The following FBN2 variants were observed in gnomAD, a reference collection of about 807,000 sequenced individuals.
FBN2 encodes fibrillin-2.
A neutral mutation model predicts 355.6 loss-of-function variants in FBN2; 105 were observed. The observed-to-expected ratio is 0.30, with a 90% CI of 0.25 to 0.35. The LOEUF is 0.35. Ranked by LOEUF, FBN2 falls within the 10% of genes least tolerant of loss-of-function variation. FBN2 has a pLI of 1.00. For missense variants in FBN2, 3,280 were observed against 3,758.7 expected, an observed-to-expected ratio of 0.87 and a Z score of 3.33; for synonymous variants, 1,350 against 1,301.2, an observed-to-expected ratio of 1.04 and a Z score of -0.81.
chr5:128,484,611 ATACC>A (rs1449942879), intron 5 of FBN2, among the ~76,000 whole-genome samples: 1 of 152,226 alleles, frequency 6.6e-6, no homozygotes, highest in Admixed American at 6.5e-5. Flanking sequence ...GTTTCATTGG[ATACC>A]TACCTGACAG....
Position 128,278,054 on chromosome 5 carries a change from G to A in FBN2, c.7346-49C>T, listed in dbSNP as rs1450545234. On this transcript the variant is annotated intron_variant, in intron 57 of 64. Coordinates refer to ENST00000262464, the MANE Select transcript of FBN2 (RefSeq NM_001999.4). ...AATCAGGAGTTAACATATATGCAAGGGTAAAACTGGTTAGAATCAAAGAGA... is the reference window on the plus strand; with the variant it reads ...AATCAGGAGTTAACATATATGCAAGAGTAAAACTGGTTAGAATCAAAGAGA... 4.4e-6 allele frequency: 7 copies of A among 1,593,872 alleles called. No homozygotes were observed. The East Asian group carries it at 1.3e-4, about 31-fold the overall frequency.
intron 5 of FBN2, among the ~76,000 whole-genome samples, chr5:128,491,366 A>G (rs1394156791): frequency 6.6e-6 from 1 of 152,230 alleles, no homozygotes; most frequent in Non-Finnish European, 1.5e-5. Context: ...CCAGGCAGTG[A>G]TAGACCTTGT....
At chr5:128,316,356 A>C (rs1393498584) in intron 36 of FBN2, among the ~76,000 whole-genome samples, 3 of 152,230 alleles carry the variant, frequency 2.0e-5, no homozygotes, top group Non-Finnish European at 4.4e-5. Flanking sequence ...TTCAAGACAA[A>C]GGAAAAACAA....
intron 7 of FBN2, among the ~76,000 whole-genome samples, chr5:128,432,488 C>T (rs538951199): frequency 1.3e-5 from 2 of 152,200 alleles, no homozygotes; most frequent in African/African-American, 2.4e-5. Context: ...CTGTCTATGG[C>T]GGATTTTGCA....
At chr5:128,302,012 A>T (rs1347475874) in intron 46 of FBN2, among the ~76,000 whole-genome samples, 1 of 152,220 alleles carries the variant, frequency 6.6e-6, no homozygotes, top group East Asian at 1.9e-4. Context: ...AAAGACATTA[A>T]GTATTAAGTT....
At chr5:128,419,258 T>C (rs1375030889) in intron 7 of FBN2, among the ~76,000 whole-genome samples, 1 of 152,216 alleles carries the variant, frequency 6.6e-6, no homozygotes, top group African/African-American at 2.4e-5. Context: ...CATCTACAAA[T>C]AGAGATAGTT....
At chr5:128,324,506 A>G (rs1581216524) in intron 34 of FBN2, among the ~76,000 whole-genome samples, 1 of 152,144 alleles carries the variant, frequency 6.6e-6, no homozygotes, top group Admixed American at 6.5e-5. Context: ...CATTGGTTTC[A>G]AAGAACTTCT....
intron 6 of FBN2, among the ~76,000 whole-genome samples, chr5:128,464,034 A>G (rs1360364490): frequency 1.3e-5 from 2 of 152,234 alleles, no homozygotes; most frequent in Non-Finnish European, 2.9e-5. Context: ...TTGCTAGAAA[A>G]AGGTAAGAAT....
chr5:128,536,509 T>G, intron 1 of FBN2, 25 bp from the exon 2 acceptor site: 2 of 1,578,780 alleles, frequency 1.3e-6, no homozygotes, highest in Non-Finnish European at 1.7e-6. Context: ...CGCGGTCACG[T>G]AACAGATAGG....
At chr5:128,494,872 C>CA (rs1269806569) in intron 5 of FBN2, among the ~76,000 whole-genome samples, 20 of 151,972 alleles carry the variant, frequency 1.3e-4, no homozygotes, top group African/African-American at 3.9e-4. Context: ...GAGTTTTCAA[C>CA]AAAAAAACTA....
chr5:128,305,170 TTAA>T (rs1749834130), intron 44 of FBN2, 88 bp from the exon 45 acceptor site: 1 of 1,100,922 alleles, frequency 9.1e-7, no homozygotes, highest in Non-Finnish European at 1.4e-6. Context: ...TAATCTGCTA[TTAA>T]TTATTATAGG....
At chr5:128,408,826 A>T (rs1328357414) in intron 7 of FBN2, 27 bp from the exon 8 acceptor site, 1 of 1,613,444 alleles carries the variant, frequency 6.2e-7, no homozygotes, top group South Asian at 1.1e-5. Context: ...GGAGAAGATG[A>T]TTGAGAAAGG....
In FBN2 at chr5:128,368,657, T is replaced by C. The variant is rs191219540; in HGVS notation, c.2248+525A>G. On this transcript the variant is annotated intron_variant, in intron 16 of 64. Coordinates refer to ENST00000262464, the MANE Select transcript of FBN2 (RefSeq NM_001999.4). ...CCCTCTTATAATAATCATAACTGTATAAGAAAATAGATTTTTGATTGTTTT... is the reference window on the plus strand; with the variant it reads ...CCCTCTTATAATAATCATAACTGTACAAGAAAATAGATTTTTGATTGTTTT... 5.7e-3 allele frequency among the ~76,000 whole-genome samples: 869 copies of C among 151,812 alleles called. 4 individuals are homozygous for C. The highest frequency in any genetic ancestry group is 7.5e-3 in the Non-Finnish European group (511 of 67,934).
At chr5:128,430,540 T>C (rs1382419872) in intron 7 of FBN2, among the ~76,000 whole-genome samples, 1 of 152,112 alleles carries the variant, frequency 6.6e-6, no homozygotes, top group Non-Finnish European at 1.5e-5. Flanking sequence ...TCTTGCAAAA[T>C]CATATTGAAA....
chr5:128,288,571 A>G lies in FBN2; in HGVS notation c.6638-14T>C. 1 of 1,612,762 alleles carries G rather than the reference A, an allele frequency of 6.2e-7. No individual in the cohort carries two copies. Among genetic ancestry groups the G allele is most frequent in the East Asian group, 2.2e-5 (1 of 44,870 alleles). On this transcript the variant is annotated splice_polypyrimidine_tract_variant and intron_variant, in intron 52 of 64. Coordinates refer to ENST00000262464, the MANE Select transcript of FBN2 (RefSeq NM_001999.4). ...ACTCATCAGTATCTGAAAAAGAAGA[A>G]TAAGAAACTGCCACAAAGATGTTTT...
At chr5:128,330,132 T>G (rs184873229) in intron 33 of FBN2, among the ~76,000 whole-genome samples, 1 of 152,316 alleles carries the variant, frequency 6.6e-6, no homozygotes, top group East Asian at 1.9e-4. Context: ...CCCATGCCAT[T>G]CATTTAGGAA....
chr5:128,341,855 A>C (rs970317615), intron 25 of FBN2, among the ~76,000 whole-genome samples: 3 of 152,234 alleles, frequency 2.0e-5, no homozygotes, highest in African/African-American at 7.2e-5. Flanking sequence ...GAAATATCAC[A>C]GGTAATTGAA....
chr5:128,298,537 T>C (rs1011635698), intron 48 of FBN2, among the ~76,000 whole-genome samples: 2 of 152,052 alleles, frequency 1.3e-5, no homozygotes, highest in African/African-American at 2.4e-5. Context: ...TGCTCATTTC[T>C]TTTTATTCTT....
At chr5:128,518,911 G>A (rs1756357003) in intron 5 of FBN2, among the ~76,000 whole-genome samples, 1 of 152,060 alleles carries the variant, frequency 6.6e-6, no homozygotes, top group South Asian at 2.1e-4. Flanking sequence ...GATTTTGTGG[G>A]GTTTGCAGCC....
Sources: allele counts gnomAD v4.1 joint callset (sites outside exome capture counted in the v4.1 genomes callset), GRCh38; gene constraint gnomAD v4.1.1; transcripts MANE v1.5; gene names NCBI Gene and HGNC (gene_info 2026-07-23, HGNC 2026-07-21).